Variants in PTPN12 observed in about 807,000 individuals in gnomAD.
PTPN12 encodes the protein tyrosine-protein phosphatase non-receptor type 12.
Under a neutral mutation model 97.6 loss-of-function variants are expected in PTPN12, and 29 were observed. The ratio of observed to expected loss-of-function variants is 0.30; its 90% CI spans 0.22 to 0.41. The LOEUF (loss-of-function observed/expected upper bound fraction) is 0.41, where lower values mean the gene tolerates loss of function less well. Ranked by LOEUF, PTPN12 falls within the 10% of genes least tolerant of loss-of-function variation. The pLI is 1.00. For missense variants in PTPN12, 819 were observed against 926.0 expected (o/e 0.88, Z 1.50); for synonymous variants, 327 against 300.4 (o/e 1.09, Z -0.91).
intron 5 of PTPN12, among the ~76,000 whole-genome samples, chr7:77,587,509 C>T (rs902294770): frequency 4.6e-5 from 7 of 152,126 alleles, no homozygotes; most frequent in Non-Finnish European, 4.4e-5. Context: ...GTGCTGACAT[C>T]CAGGCCTTAC....
intron 2 of PTPN12, among the ~76,000 whole-genome samples, chr7:77,577,435 T>C (rs1049097089): frequency 6.6e-6 from 1 of 152,196 alleles, no homozygotes; most frequent in African/African-American, 2.4e-5. Context: ...TTATGCTACC[T>C]ATAATGCCCT....
chr7:77,538,257 T>C (rs570618078), intron 1 of PTPN12, among the ~76,000 whole-genome samples: 1 of 152,222 alleles, frequency 6.6e-6, no homozygotes, highest in East Asian at 1.9e-4. Context: ...TAATTTCCAT[T>C]TACCCGCGTC....
At chr7:77,614,866 G>C (rs1041176587) in intron 11 of PTPN12, among the ~76,000 whole-genome samples, 1 of 152,230 alleles carries the variant, frequency 6.6e-6, no homozygotes, top group East Asian at 1.9e-4. Flanking sequence ...CAATTTAATC[G>C]GTAAAAGTTT....
chr7:77,603,386 C>G (rs1211903415), intron 8 of PTPN12, among the ~76,000 whole-genome samples: 3 of 152,204 alleles, frequency 2.0e-5, no homozygotes, highest in Non-Finnish European at 4.4e-5. Flanking sequence ...TCCATAAAAG[C>G]AAGAAAATTC....
intron 1 of PTPN12, among the ~76,000 whole-genome samples, chr7:77,567,650 T>C (rs377260621): frequency 2.0e-5 from 3 of 152,312 alleles, no homozygotes; most frequent in East Asian, 3.9e-4. Context: ...CTCCAGGTGA[T>C]TCTGAAGCAC....
At chr7:77,581,976 A>T (rs1356089677) in intron 3 of PTPN12, among the ~76,000 whole-genome samples, 1 of 152,062 alleles carries the variant, frequency 6.6e-6, no homozygotes, top group Admixed American at 6.6e-5. Flanking sequence ...TTTAAATGTA[A>T]AACTTTTGGC....
At chr7:77,593,135 G>T (rs894211013) in intron 6 of PTPN12, among the ~76,000 whole-genome samples, 8 of 152,022 alleles carry the variant, frequency 5.3e-5, no homozygotes, top group African/African-American at 1.7e-4. Flanking sequence ...TGGGTATGGT[G>T]GTGGGCACCT....
chr7:77,582,226 G>A (rs1252873870), intron 3 of PTPN12, among the ~76,000 whole-genome samples: 1 of 148,564 alleles, frequency 6.7e-6, no homozygotes, highest in African/African-American at 2.5e-5. Flanking sequence ...TCGATCTCCT[G>A]ACCTGTGATC....
intron 8 of PTPN12, 101 bp downstream of exon 8, chr7:77,600,907 T>C (rs995346865): frequency 5.7e-6 from 6 of 1,049,388 alleles, no homozygotes; most frequent in Non-Finnish European, 6.8e-6. Flanking sequence ...GAATTTCTCC[T>C]AGCCTTGATA....
rs531125500 is a variant in PTPN12, at chr7:77,634,677, A to G, written c.2075-1105A>G. Among the ~76,000 whole-genome samples the G allele has an allele frequency of 3.2e-4, 48 of 150,546 alleles. No individual in the cohort carries two copies. The Middle Eastern group carries it at 0.021, about 66-fold the overall frequency. On this transcript the variant is annotated intron_variant, in intron 14 of 17. Transcript: ENST00000248594. ...CCAGGATGGTCCATCTCCTGACCTC[A>G]TGATCCGCCCACCTCAGCCTCTCAA...
At chr7:77,631,797 GTT>G (rs1302975243) in intron 13 of PTPN12, among the ~76,000 whole-genome samples, 1 of 152,144 alleles carries the variant, frequency 6.6e-6, no homozygotes, top group Non-Finnish European at 1.5e-5. Flanking sequence ...ATCTTTATCT[GTT>G]TTGGAAAAAT....
At chr7:77,617,703 C>A (rs1018310175) in intron 11 of PTPN12, among the ~76,000 whole-genome samples, 1 of 152,168 alleles carries the variant, frequency 6.6e-6, no homozygotes, top group African/African-American at 2.4e-5. Context: ...AATTAAAATA[C>A]CCTAGCTAGA....
At chr7:77,610,236 CT>C (rs889839569) in intron 9 of PTPN12, among the ~76,000 whole-genome samples, 17 of 152,306 alleles carry the variant, frequency 1.1e-4, no homozygotes, top group African/African-American at 3.1e-4. Flanking sequence ...TTAGCTGGTC[CT>C]TATATAGCCA....
At chr7:77,569,971 C>T (rs1049866038) in intron 1 of PTPN12, among the ~76,000 whole-genome samples, 37 of 152,240 alleles carry the variant, frequency 2.4e-4, no homozygotes, top group African/African-American at 7.2e-4. Context: ...CCACCATGCT[C>T]GGCCCCCACT....
At chr7:77,589,539 AAT>A (rs1376994870) in intron 5 of PTPN12, among the ~76,000 whole-genome samples, 2 of 152,132 alleles carry the variant, frequency 1.3e-5, no homozygotes, top group Non-Finnish European at 2.9e-5. Flanking sequence ...TTAGTTTGTA[AAT>A]ATGTTAATTT....
chr7:77,636,971 A>G (rs1446159608), intron 15 of PTPN12, 47 bp from the exon 16 acceptor site: 5 of 1,450,422 alleles, frequency 3.4e-6, no homozygotes, highest in Admixed American at 3.6e-5. Context: ...TATTATTTGT[A>G]TATAAAATGA....
At chr7:77,611,997 T>TG (rs60076355) in intron 11 of PTPN12, among the ~76,000 whole-genome samples, 1 of 151,750 alleles carries the variant, frequency 6.6e-6, no homozygotes, top group Admixed American at 6.6e-5. Flanking sequence ...TTTTTTTTTT[T>TG]GTAGAATTTG....
At chr7:77,623,306 C>G (rs1163868323) in intron 12 of PTPN12, among the ~76,000 whole-genome samples, 1 of 152,140 alleles carries the variant, frequency 6.6e-6, no homozygotes, top group East Asian at 1.9e-4. Context: ...ATCTGTCAAG[C>G]ACTGTTCTAA....
chr7:77,578,621 G>C (rs1001348883), intron 2 of PTPN12, among the ~76,000 whole-genome samples: 6 of 152,016 alleles, frequency 3.9e-5, no homozygotes, highest in Non-Finnish European at 8.8e-5. Context: ...AAATAAATTA[G>C]TTACTATTAG....
Sources: gnomAD v4.1 joint callset for allele counts (sites outside exome capture counted in the v4.1 genomes callset) on GRCh38, gnomAD v4.1.1 for gene constraint, MANE v1.5 for transcripts, NCBI Gene and HGNC (gene_info 2026-07-23, HGNC 2026-07-21) for gene names.